The following PPFIA2 variants were observed in gnomAD, a reference collection of about 807,000 sequenced individuals.
The protein encoded by PPFIA2 is PPFI scaffold protein A2.
Under a neutral mutation model 175.5 loss-of-function variants are expected in PPFIA2, and 46 were observed. The ratio of observed to expected loss-of-function variants is 0.26; its 90% confidence interval spans 0.21 to 0.34. The LOEUF is 0.34. PPFIA2 is among the 10% of genes least tolerant of loss of function. The pLI is 1.00. For synonymous variants in PPFIA2, 568 were observed against 511.4 expected (o/e 1.11, Z -1.49); for missense variants, 1,179 against 1,506.1 (o/e 0.78, Z 3.60).
chr12:81,554,390 C>A (rs2068477694), intron 4 of PPFIA2, among the ~76,000 whole-genome samples: 1 of 152,004 alleles, frequency 6.6e-6, no homozygotes, highest in Admixed American at 6.6e-5. Context: ...TCAGGGACAA[C>A]TGGAACTGGG....
chr12:81,587,497 A>C (rs1369763876), intron 4 of PPFIA2, among the ~76,000 whole-genome samples: 1 of 152,022 alleles, frequency 6.6e-6, no homozygotes. Context: ...TCTTTATACC[A>C]GTGTGAAAAT....
chr12:81,372,728 C>G (rs1473032478), intron 11 of PPFIA2, among the ~76,000 whole-genome samples: 1 of 150,850 alleles, frequency 6.6e-6, no homozygotes, highest in Non-Finnish European at 1.5e-5. Context: ...AAAATATGGT[C>G]ATAATATAAA....
rs1325867864 is a variant in PPFIA2, at chr12:81,696,826, A to G, written c.250-19982T>C. ...AAATAAGTTAACCTATTAAAATGCA[A>G]TCCAATTAGTCTTGACCTATATGAT... is the stretch of plus-strand genomic sequence containing the variant. On this transcript the variant is annotated intron_variant, in intron 3 of 32. Transcript: ENST00000549396. 2.6e-5 allele frequency among the ~76,000 whole-genome samples: 4 copies of G among 152,050 alleles called. No individual in the cohort carries two copies. In the East Asian group the frequency reaches 7.7e-4, roughly 29 times the overall value.
chr12:81,342,602 T>C (rs571313192), intron 19 of PPFIA2, among the ~76,000 whole-genome samples: 1 of 152,210 alleles, frequency 6.6e-6, no homozygotes, highest in South Asian at 2.1e-4. Flanking sequence ...CAGGAGAATC[T>C]TTTTTCAATA....
chr12:81,565,241 G>A (rs1487088745), intron 4 of PPFIA2, among the ~76,000 whole-genome samples: 1 of 152,126 alleles, frequency 6.6e-6, no homozygotes, highest in African/African-American at 2.4e-5. Flanking sequence ...GCAGTTGCCA[G>A]GCAAGATAAT....
intron 2 of PPFIA2, among the ~76,000 whole-genome samples, chr12:81,757,234 G>T (rs2084824452): frequency 6.6e-6 from 1 of 152,104 alleles, no homozygotes; most frequent in African/African-American, 2.4e-5. Context: ...GCACAGTCCG[G>T]AAGGCTATGG....
At chr12:81,396,577 A>C (rs1371663467) in intron 8 of PPFIA2, among the ~76,000 whole-genome samples, 2 of 152,056 alleles carry the variant, frequency 1.3e-5, no homozygotes, top group African/African-American at 4.8e-5. Flanking sequence ...GTAAGTGGAA[A>C]GAAGTTGCAG....
At chr12:81,331,856 A>T (rs1449374677) in intron 21 of PPFIA2, among the ~76,000 whole-genome samples, 2 of 151,866 alleles carry the variant, frequency 1.3e-5, no homozygotes, top group African/African-American at 4.8e-5. Context: ...CCTCTTCTTT[A>T]TCCTAACCAT....
intron 7 of PPFIA2, among the ~76,000 whole-genome samples, chr12:81,406,567 AAAAC>A (rs1430818762): frequency 6.6e-6 from 1 of 152,118 alleles, no homozygotes; most frequent in Admixed American, 6.5e-5. Flanking sequence ...TTTCAATTAA[AAAAC>A]AAATTCTCGG....
At position 81,568,810 on chromosome 12, in the gene PPFIA2, A is replaced by G. The variant is rs190815575; in HGVS notation, c.303+107981T>C. On this transcript the variant is annotated intron_variant, in intron 4 of 32. Coordinates refer to ENST00000549396, the MANE Select transcript of PPFIA2 (RefSeq NM_003625.5). Reference sequence around the variant, plus strand: ...TGGAGAGGAATAGACTCTCTACCCTATTCTCTACAGCGTTACTCAGTGTCA... The same window carrying G: ...TGGAGAGGAATAGACTCTCTACCCTGTTCTCTACAGCGTTACTCAGTGTCA... Among the ~76,000 whole-genome samples the G allele has an allele frequency of 1.6e-4, 25 of 152,250 alleles. 1 individual carries two copies. Among genetic ancestry groups the G allele is most frequent in the African/African-American group, 5.3e-4 (22 of 41,560 alleles).
chr12:81,736,356 A>G (rs1172279273), intron 3 of PPFIA2, among the ~76,000 whole-genome samples: 1 of 152,008 alleles, frequency 6.6e-6, no homozygotes, highest in Non-Finnish European at 1.5e-5. Context: ...ATTCTTCGAT[A>G]CTGTACCAAA....
chr12:81,670,286 G>T (rs1457666683), intron 4 of PPFIA2, among the ~76,000 whole-genome samples: 1 of 151,864 alleles, frequency 6.6e-6, no homozygotes, highest in Non-Finnish European at 1.5e-5. Context: ...AACTTATGCT[G>T]TGAAATAGAT....
rs1334322461 is a variant in PPFIA2, at chr12:81,303,731, G to C, written c.2643-4349C>G. ...AGGGAAGTCTGCACTTGCTATGCCT[G>C]AACTGAAGACAGGAGCAAACAAAGG... On this transcript the variant is annotated intron_variant, in intron 22 of 32. Coordinates refer to ENST00000549396, the MANE Select transcript of PPFIA2 (RefSeq NM_003625.5). Among the ~76,000 whole-genome samples, 4 of 152,146 alleles carry C rather than the reference G, an allele frequency of 2.6e-5. No individual in the cohort carries two copies. The East Asian group carries it at 7.7e-4, about 29-fold the overall frequency.
intron 11 of PPFIA2, chr12:81,369,551 T>A: frequency 2.9e-6 from 2 of 689,958 alleles, no homozygotes; most frequent in Middle Eastern, 6.5e-4. Context: ...AGTAACATAA[T>A]TTTTATAAAT....
chr12:81,289,402 C>A (rs2044306217), intron 24 of PPFIA2, among the ~76,000 whole-genome samples: 1 of 151,838 alleles, frequency 6.6e-6, no homozygotes, highest in South Asian at 2.1e-4. Flanking sequence ...ATTTCCACTG[C>A]ACTTGCTTTT....
intron 4 of PPFIA2, among the ~76,000 whole-genome samples, chr12:81,467,838 G>A (rs2055979620): frequency 6.6e-6 from 1 of 152,154 alleles, no homozygotes; most frequent in African/African-American, 2.4e-5. Flanking sequence ...AGAATCCAGG[G>A]TTAAAGCCTG....
intron 3 of PPFIA2, among the ~76,000 whole-genome samples, chr12:81,714,682 C>T (rs2078366016): frequency 6.6e-6 from 1 of 150,940 alleles, no homozygotes; most frequent in South Asian, 2.1e-4. Context: ...TTGTTAGACT[C>T]TGAAGAAATA....
chr12:81,427,299 C>A (rs1357483109), intron 7 of PPFIA2, among the ~76,000 whole-genome samples: 1 of 152,092 alleles, frequency 6.6e-6, no homozygotes, highest in Non-Finnish European at 1.5e-5. Flanking sequence ...AGTGATAACA[C>A]TCAGAACAAT....
intron 4 of PPFIA2, among the ~76,000 whole-genome samples, chr12:81,664,010 C>A (rs1258531399): frequency 6.6e-6 from 1 of 152,140 alleles, no homozygotes; most frequent in African/African-American, 2.4e-5. Context: ...AACTGGATCC[C>A]TTCCTTACAC....
Sources: allele counts gnomAD v4.1 joint callset (sites outside exome capture counted in the v4.1 genomes callset), GRCh38; gene constraint gnomAD v4.1.1; transcripts MANE v1.5; gene names NCBI Gene and HGNC (gene_info 2026-07-23, HGNC 2026-07-21).